TRAPPC8: variants seen among roughly 807,000 people sequenced by gnomAD.
TRAPPC8 encodes the protein trafficking protein particle complex subunit 8.
In TRAPPC8, 54 loss-of-function variants were observed where a neutral mutation model predicts 174.3. The observed-to-expected ratio is 0.31, with a 90% CI of 0.25 to 0.39. The LOEUF (loss-of-function observed/expected upper bound fraction) is 0.39, where lower values mean the gene tolerates loss of function less well. Ranked by LOEUF, TRAPPC8 falls within the 10% of genes least tolerant of loss-of-function variation. The probability of loss-of-function intolerance (pLI) is 1.00; values close to 1 mark genes in which losing one functional copy is unlikely to be tolerated. For missense variants in TRAPPC8, 1,531 were observed against 1,699.1 expected (o/e 0.90, Z 1.74); for synonymous variants, 630 against 579.9 (o/e 1.09, Z -1.24).
rs1384797524 is a variant in TRAPPC8 at position 31,880,091 on chromosome 18, ATAT to A, written c.1729-5390_1729-5388del. Among the ~76,000 whole-genome samples, 524 of 70,210 alleles carry A rather than the reference ATAT, an allele frequency of 7.5e-3. 18 individuals are homozygous for A. Among genetic ancestry groups the A allele is most frequent in the South Asian group, 0.026 (46 of 1,760 alleles). 46.1% of individuals were successfully genotyped at this position (70,210 alleles called of 152,430 possible). A position where few individuals can be genotyped will look rare whatever the true frequency, so the allele number is the denominator to read the frequency against. On this transcript the variant is annotated intron_variant, in intron 12 of 28. Coordinates refer to ENST00000283351, the MANE Select transcript of TRAPPC8 (RefSeq NM_014939.5). The stretch of plus-strand genomic sequence containing the variant: ...TTTACTGAAACTATTGAAAAAAAAA[ATAT>A]ATATATATATATATATATATATATA...
intron 5 of TRAPPC8, 132 bp from the exon 6 acceptor site, chr18:31,909,892 C>T (rs1028445896): frequency 1.7e-4 from 90 of 530,292 alleles, no homozygotes; most frequent in Non-Finnish European, 2.2e-4. Context: ...AGCATTTTCT[C>T]GTCCTCCAAA....
At chr18:31,883,924 T>TA (rs1285407278) in intron 12 of TRAPPC8, among the ~76,000 whole-genome samples, 1 of 152,160 alleles carries the variant, frequency 6.6e-6, no homozygotes, top group Admixed American at 6.5e-5. Context: ...CGTGGTGACT[T>TA]ACACCTGTAA....
chr18:31,832,851 C>T (rs2032457337), intron 27 of TRAPPC8, among the ~76,000 whole-genome samples: 1 of 152,052 alleles, frequency 6.6e-6, no homozygotes, highest in Non-Finnish European at 1.5e-5. Flanking sequence ...GGGTTATATA[C>T]TATTATCTAC....
intron 12 of TRAPPC8, among the ~76,000 whole-genome samples, chr18:31,879,984 A>T (rs2035338816): frequency 3.1e-5 from 2 of 63,796 alleles, no homozygotes; most frequent in African/African-American, 6.0e-5. Context: ...AAAAAAAAAT[A>T]AATAAACAAC....
intron 4 of TRAPPC8, among the ~76,000 whole-genome samples, chr18:31,915,329 C>T: frequency 6.6e-6 from 1 of 151,710 alleles, no homozygotes; most frequent in East Asian, 1.9e-4. Flanking sequence ...GGCGTAGTGT[C>T]ATGTGCCTGT....
chr18:31,846,775 G>C lies in TRAPPC8; in HGVS notation c.3778C>G (p.Gln1260Glu), dbSNP rs781017385. 3.7e-6 allele frequency: 6 copies of C among 1,612,686 alleles called. No individual in the cohort carries two copies. Among genetic ancestry groups the C allele is most frequent in the Admixed American group, 1.7e-5 (1 of 59,948 alleles). ...EDSKQLILEG[Q>E]HHVILRTIGK... The stretch of plus-strand genomic sequence containing the variant: ...ATAGTGCGAAGAATAACATGATGTT[G>C]ACCTTCCAAAATAAGCTGTTTACTG... The change falls in exon 26 of 29, where the codon CAA becomes GAA. Residue 1260 changes from glutamine (Q) to glutamate (E), a missense_variant. Gln to Glu is a conservative substitution (Grantham distance 29). Coordinates refer to ENST00000283351, the MANE Select transcript of TRAPPC8 (RefSeq NM_014939.5).
At chr18:31,922,953 G>A (rs941109217) in intron 2 of TRAPPC8, among the ~76,000 whole-genome samples, 1 of 152,288 alleles carries the variant, frequency 6.6e-6, no homozygotes, top group Middle Eastern at 3.4e-3. Context: ...GGAGGCAGAG[G>A]TTGCAGTAAG....
intron 7 of TRAPPC8, among the ~76,000 whole-genome samples, 161 bp from the exon 8 acceptor site, chr18:31,908,579 A>C (rs1363305132): frequency 6.6e-6 from 1 of 152,178 alleles, no homozygotes. Context: ...ATTGAAAATG[A>C]ATAAGCCTCT....
intron 27 of TRAPPC8, among the ~76,000 whole-genome samples, chr18:31,837,775 C>T (rs547186020): frequency 2.2e-4 from 34 of 151,782 alleles, no homozygotes; most frequent in African/African-American, 8.0e-4. Context: ...AGTAGGTAAA[C>T]TAATTCTGGT....
chr18:31,929,817 A>C (rs2037775421), intron 2 of TRAPPC8, among the ~76,000 whole-genome samples: 1 of 152,236 alleles, frequency 6.6e-6, no homozygotes, highest in African/African-American at 2.4e-5. Flanking sequence ...GAAAAATAAC[A>C]GTTCAAATTC....
chr18:31,881,297 T>G (rs986981366), intron 12 of TRAPPC8, among the ~76,000 whole-genome samples: 1 of 151,846 alleles, frequency 6.6e-6, no homozygotes, highest in African/African-American at 2.4e-5. Flanking sequence ...AATAGACACA[T>G]GAACAATGGA....
chr18:31,874,426 T>G, intron 13 of TRAPPC8, 54 bp downstream of exon 13: 1 of 1,491,176 alleles, frequency 6.7e-7, no homozygotes, highest in African/African-American at 1.4e-5. Flanking sequence ...AATAAATACT[T>G]TCACACTAAA....
At chr18:31,890,692 TA>T in intron 12 of TRAPPC8, 42 bp downstream of exon 12, 1 of 1,571,820 alleles carries the variant, frequency 6.4e-7, no homozygotes, top group Admixed American at 1.9e-5. Context: ...CACACATTTA[TA>T]AAATAAATAG....
chr18:31,890,629 G>A lies in TRAPPC8; in HGVS notation c.1728+106C>T, dbSNP rs188721071. ...ACGCCCTTACCAATACATTACCTCA[G>A]AACAAAATTTAGTTTTTAAGATCCT... is the stretch of plus-strand genomic sequence containing the variant. On this transcript the variant is annotated intron_variant, in intron 12 of 28. Coordinates refer to ENST00000283351, the MANE Select transcript of TRAPPC8 (RefSeq NM_014939.5). 18 of 1,351,970 alleles carry A rather than the reference G, an allele frequency of 1.3e-5. No homozygotes were observed. In the East Asian group the frequency reaches 5.0e-4, roughly 37 times the overall value. 83.7% of individuals were successfully genotyped at this position (1,351,970 alleles called of 1,614,324 possible).
chr18:31,853,732 CA>C, intron 22 of TRAPPC8, 116 bp downstream of exon 22: 1 of 699,282 alleles, frequency 1.4e-6, no homozygotes. Flanking sequence ...CTAATGAAAT[CA>C]CAATTTAATG....
rs1212789267 is a variant in TRAPPC8 at position 31,834,012 on chromosome 18, AAC to A, written c.3984-1841_3984-1840del. Among the ~76,000 whole-genome samples, 9 of 150,938 alleles carry A rather than the reference AAC, an allele frequency of 6.0e-5. 2 individuals are homozygous for A. The highest frequency in any genetic ancestry group is 1.2e-4 in the African/African-American group (5 of 41,134). On this transcript the variant is annotated intron_variant, in intron 27 of 28. Transcript: ENST00000283351. ...GCAAGACTCCGTCTCAAAAAAAAAA[AAC>A]AAAAAACAGAAATTACATTTCTAAG...
chr18:31,913,968 C>T (rs2037025572), intron 4 of TRAPPC8, among the ~76,000 whole-genome samples: 1 of 151,830 alleles, frequency 6.6e-6, no homozygotes, highest in South Asian at 2.1e-4. Flanking sequence ...GAGTTAGAGA[C>T]CATCCTAGGC....
intron 13 of TRAPPC8, 71 bp downstream of exon 13, chr18:31,874,409 G>A: frequency 7.2e-7 from 1 of 1,384,668 alleles, no homozygotes; most frequent in Non-Finnish European, 1.0e-6. Context: ...CGTAAGATAT[G>A]GTAATAAATA....
intron 18 of TRAPPC8, among the ~76,000 whole-genome samples, chr18:31,865,015 T>C (rs2034519983): frequency 6.6e-6 from 1 of 152,102 alleles, no homozygotes; most frequent in East Asian, 1.9e-4. Context: ...AAAAAAAGAC[T>C]ACACATTACT....
Sources: allele counts gnomAD v4.1 joint callset (sites outside exome capture counted in the v4.1 genomes callset), GRCh38; gene constraint gnomAD v4.1.1; transcripts MANE v1.5; gene names NCBI Gene and HGNC (gene_info 2026-07-23, HGNC 2026-07-21).